Variants in RELN observed in about 807,000 individuals in gnomAD.
RELN encodes reelin.
RELN carries 108 observed loss-of-function variants against 427.6 expected under a neutral mutation model. That is an observed-to-expected ratio of 0.25 (90% CI 0.22 to 0.30). The LOEUF is 0.30. Ranked by LOEUF, RELN falls within the 10% of genes least tolerant of loss-of-function variation. The probability of loss-of-function intolerance (pLI) is 1.00; values close to 1 mark genes in which losing one functional copy is unlikely to be tolerated. For missense variants in RELN, 3,715 were observed against 4,302.8 expected (o/e 0.86, Z 3.82); for synonymous variants, 1,524 against 1,513.4 (o/e 1.01, Z -0.16).
chr7:103,577,855 A>G (rs1336778371), intron 28 of RELN, among the ~76,000 whole-genome samples: 1 of 152,184 alleles, frequency 6.6e-6, no homozygotes, highest in Non-Finnish European at 1.5e-5. Flanking sequence ...TGTTTCTATG[A>G]TAGAACCCAG....
At chr7:103,914,166 A>T (rs1266402419) in intron 2 of RELN, among the ~76,000 whole-genome samples, 5 of 152,196 alleles carry the variant, frequency 3.3e-5, no homozygotes, top group African/African-American at 4.8e-5. Context: ...AATAATTTGT[A>T]ACAATTTTAT....
intron 3 of RELN, among the ~76,000 whole-genome samples, chr7:103,798,099 T>A (rs1313712005): frequency 2.0e-5 from 3 of 152,224 alleles, no homozygotes; most frequent in Non-Finnish European, 2.9e-5. Context: ...TGAAGACATC[T>A]CTGACTGCCC....
chr7:103,578,732 A>AG (rs2117215356), intron 28 of RELN, among the ~76,000 whole-genome samples: 1 of 152,350 alleles, frequency 6.6e-6, no homozygotes, highest in East Asian at 1.9e-4. Context: ...GACCATGAGA[A>AG]GAAGGAAGGA....
chr7:103,499,806 T>C (rs1328261779), intron 53 of RELN, among the ~76,000 whole-genome samples: 1 of 152,206 alleles, frequency 6.6e-6, no homozygotes, highest in Non-Finnish European at 1.5e-5. Context: ...CAATTTCTTA[T>C]CCAACTGAGG....
At chr7:103,634,211 T>C (rs1832530485) in intron 19 of RELN, among the ~76,000 whole-genome samples, 1 of 152,142 alleles carries the variant, frequency 6.6e-6, no homozygotes, top group South Asian at 2.1e-4. Flanking sequence ...ATGCAAACTT[T>C]CGTGTCCAAA....
intron 1 of RELN, among the ~76,000 whole-genome samples, chr7:103,976,432 G>A (rs915742029): frequency 6.6e-6 from 1 of 151,898 alleles, no homozygotes; most frequent in East Asian, 1.9e-4. Context: ...GGAGCCTACT[G>A]TAATATCCAG....
intron 2 of RELN, among the ~76,000 whole-genome samples, chr7:103,888,715 A>G (rs1399138414): frequency 6.6e-6 from 1 of 152,142 alleles, no homozygotes; most frequent in Non-Finnish European, 1.5e-5. Context: ...TTGGTAATCC[A>G]TGAGTGTATT....
intron 3 of RELN, among the ~76,000 whole-genome samples, chr7:103,807,523 A>T (rs62480729): frequency 0.023 from 3,458 of 152,176 alleles, 67 homozygotes; most frequent in Non-Finnish European, 0.037. Flanking sequence ...GGTAAATTGC[A>T]TGTCACTGAG....
chr7:103,981,625 A>G (rs1796991841), intron 1 of RELN, among the ~76,000 whole-genome samples: 1 of 152,216 alleles, frequency 6.6e-6, no homozygotes, highest in Non-Finnish European at 1.5e-5. Flanking sequence ...AACAGAAACA[A>G]CTTAATTTTT....
chr7:103,736,995 G>T (rs1009114420), intron 6 of RELN, among the ~76,000 whole-genome samples: 5 of 152,108 alleles, frequency 3.3e-5, no homozygotes, highest in Non-Finnish European at 4.4e-5. Context: ...CAAAAGAGAA[G>T]AAAAAGTAAG....
chr7:103,908,989 T>C (rs186133478), intron 2 of RELN, among the ~76,000 whole-genome samples: 1 of 152,314 alleles, frequency 6.6e-6, no homozygotes, highest in East Asian at 1.9e-4. Context: ...TAAATTGCAT[T>C]TACTTCCGTG....
chr7:103,790,156 G>A (rs1444005992), intron 3 of RELN, among the ~76,000 whole-genome samples: 1 of 152,156 alleles, frequency 6.6e-6, no homozygotes, highest in East Asian at 1.9e-4. Flanking sequence ...CCCACAGGGA[G>A]GGGAACATTA....
At chr7:103,488,403 C>G (rs192596147) in intron 60 of RELN, among the ~76,000 whole-genome samples, 1 of 152,292 alleles carries the variant, frequency 6.6e-6, no homozygotes, top group African/African-American at 2.4e-5. Flanking sequence ...ACATTTGATT[C>G]ACTCATTTGA....
intron 1 of RELN, among the ~76,000 whole-genome samples, chr7:103,963,934 G>A (rs1008740612): frequency 6.6e-6 from 1 of 152,086 alleles, no homozygotes; most frequent in Non-Finnish European, 1.5e-5. Flanking sequence ...AAGTTGAAGC[G>A]AGAGGACAGC....
chr7:103,596,583 C>G lies in RELN; in HGVS notation c.3412G>C (p.Gly1138Arg). The change falls in exon 25 of 65, where the codon GGA (glycine) becomes CGA (arginine). Residue 1138 changes from glycine (G) to arginine (R), a missense_variant. Gly to Arg is a moderately radical substitution (Grantham distance 125, BLOSUM62 -2). This residue lies in a region of RELN where 2,208 missense variants were observed against 2,361.7 expected (regional missense o/e 0.93). Coordinates refer to ENST00000428762, the MANE Select transcript of RELN (RefSeq NM_005045.4). Reference protein sequence around the residue: ...DFVQFYIQIGGESASCNKPDS... With the variant: ...DFVQFYIQIGRESASCNKPDS... ...GGCTTGTTGCATGAAGCACTCTCTC[C>G]GCCTATCTGGATGTAGAACTGGACA... 1 of 1,614,038 alleles carries G rather than the reference C, an allele frequency of 6.2e-7. No individual in the cohort carries two copies. The highest frequency in any genetic ancestry group is 8.5e-7 in the Non-Finnish European group (1 of 1,179,950).
At position 103,523,381 on chromosome 7, in the gene RELN, A is replaced by AC; in HGVS notation, c.7490+9dup. On this transcript the variant is annotated intron_variant, in intron 47 of 64. Transcript: ENST00000428762. Reference sequence around the variant, plus strand: ...AGCTTTCAACAGAAGGAAGAAAAAAACCGACTTACACGCAGTTTCCCTGGA... The same window carrying AC: ...AGCTTTCAACAGAAGGAAGAAAAAAACCCGACTTACACGCAGTTTCCCTGGA... 6.2e-7 allele frequency: 1 copy of AC among 1,614,086 alleles called. No homozygotes were observed. Among genetic ancestry groups the AC allele is most frequent in the Non-Finnish European group, 8.5e-7 (1 of 1,179,952 alleles).
At chr7:103,864,488 C>G (rs1296530772) in intron 2 of RELN, among the ~76,000 whole-genome samples, 1 of 152,142 alleles carries the variant, frequency 6.6e-6, no homozygotes, top group Non-Finnish European at 1.5e-5. Flanking sequence ...CCATTCTATT[C>G]TCCGCTTCTG....
At chr7:103,545,435 T>C (rs1830272017) in intron 41 of RELN, 91 bp from the exon 42 acceptor site, 17 of 851,488 alleles carry the variant, frequency 2.0e-5, no homozygotes, top group Middle Eastern at 4.6e-4. Context: ...ATGGGCAGCT[T>C]CTACCTATGC....
chr7:103,770,295 A>G (rs1328751756), intron 4 of RELN, among the ~76,000 whole-genome samples: 1 of 152,192 alleles, frequency 6.6e-6, no homozygotes, highest in Non-Finnish European at 1.5e-5. Context: ...TGTATTAGCC[A>G]AGATCGTCTC....
Sources: gnomAD v4.1 joint callset for allele counts (sites outside exome capture counted in the v4.1 genomes callset) on GRCh38, gnomAD v4.1.1 for gene constraint, gnomAD v4.1.1 regional missense constraint, MANE v1.5 for transcripts, NCBI Gene and HGNC (gene_info 2026-07-23, HGNC 2026-07-21) for gene names.